VPS13B: variants seen among roughly 807,000 people sequenced by gnomAD.
VPS13B encodes vacuolar protein sorting 13 homolog B.
Under a neutral mutation model 426.4 loss-of-function variants are expected in VPS13B, and 285 were observed. The observed-to-expected ratio is 0.67, with a 90% confidence interval of 0.61 to 0.74. The LOEUF is 0.74. Ranked by LOEUF, VPS13B falls within the 30% of genes least tolerant of loss-of-function variation. The pLI, the probability that VPS13B is intolerant of heterozygous loss-of-function variation, is 0.00. For missense variants in VPS13B, 4,537 were observed against 4,782.6 expected (o/e 0.95, Z 1.51); for synonymous variants, 1,676 against 1,676.4 (o/e 1.00, Z 0.01).
Position 99,503,095 on chromosome 8 carries a change from A to G in VPS13B, c.4157+145A>G, listed in dbSNP as rs575490373. The G allele has an allele frequency of 8.1e-4, 509 of 631,458 alleles. 4 individuals carry two copies. In the South Asian group the frequency reaches 9.3e-3, roughly 12 times the overall value. 39.1% of individuals were successfully genotyped at this position (631,458 alleles called of 1,614,324 possible). A position where few individuals can be genotyped will look rare whatever the true frequency, so the allele number is the denominator to read the frequency against. ...GGACATATTGAGAGTTTGGCTCCAG[A>G]CTATTCCAATAAAGTGAATATTTCA... is the stretch of plus-strand genomic sequence containing the variant. On this transcript the variant is annotated intron_variant, in intron 27 of 61. Coordinates refer to ENST00000357162, the MANE Select transcript of VPS13B (RefSeq NM_152564.5).
chr8:99,198,502 T>C (rs1039956929), intron 17 of VPS13B, among the ~76,000 whole-genome samples: 3 of 152,148 alleles, frequency 2.0e-5, no homozygotes, highest in African/African-American at 7.2e-5. Flanking sequence ...TAAAATGGAC[T>C]GTGCTATGAA....
intron 17 of VPS13B, chr8:99,233,293 G>T: frequency 3.5e-6 from 4 of 1,133,682 alleles, no homozygotes; most frequent in Non-Finnish European, 5.4e-6. Context: ...GCCAGCTGTG[G>T]AAGAGAGCAC....
At chr8:99,584,577 A>G (rs1826218490) in intron 33 of VPS13B, among the ~76,000 whole-genome samples, 1 of 152,206 alleles carries the variant, frequency 6.6e-6, no homozygotes, top group African/African-American at 2.4e-5. Flanking sequence ...CTAGGCTTTT[A>G]TAATCTGGTT....
At chr8:99,164,564 C>G (rs1394286391) in intron 15 of VPS13B, among the ~76,000 whole-genome samples, 1 of 152,198 alleles carries the variant, frequency 6.6e-6, no homozygotes, top group Non-Finnish European at 1.5e-5. Flanking sequence ...TTCTTGCAAA[C>G]TGTCTGAGAA....
At chr8:99,478,447 G>GTTTTTTTTTTTTTGT (rs1819824979) in intron 24 of VPS13B, among the ~76,000 whole-genome samples, 1 of 85,776 alleles carries the variant, frequency 1.2e-5, no homozygotes, top group Non-Finnish European at 2.1e-5. Flanking sequence ...TTTTTGTTTT[G>GTTTTTTTTTTTTTGT]TTTTTTTTTT....
chr8:99,053,875 A>G (rs202010850), intron 3 of VPS13B, among the ~76,000 whole-genome samples: 2 of 151,492 alleles, frequency 1.3e-5, no homozygotes, highest in African/African-American at 2.4e-5. Flanking sequence ...GCTAATTTTT[A>G]TATTTTTTAG....
chr8:99,608,985 T>C (rs1456241392), intron 33 of VPS13B, among the ~76,000 whole-genome samples: 1 of 152,180 alleles, frequency 6.6e-6, no homozygotes, highest in Non-Finnish European at 1.5e-5. Flanking sequence ...GTGCATGTTT[T>C]TGTGTAGACA....
chr8:99,304,007 G>T (rs1024943985), intron 19 of VPS13B, among the ~76,000 whole-genome samples: 1 of 151,976 alleles, frequency 6.6e-6, no homozygotes, highest in African/African-American at 2.4e-5. Context: ...AGATTTTATA[G>T]TATAGTGGTT....
chr8:99,429,667 T>C (rs970245028), intron 21 of VPS13B: 2 of 152,224 alleles, frequency 1.3e-5, no homozygotes, highest in Non-Finnish European at 2.9e-5. Context: ...ATTGGTTATG[T>C]CTTTGAAATG....
At chr8:99,467,705 T>C (rs1819184794) in intron 24 of VPS13B, 71 bp downstream of exon 24, 1 of 1,510,386 alleles carries the variant, frequency 6.6e-7, no homozygotes, top group Admixed American at 1.7e-5. Context: ...TCCATTTTGT[T>C]GAAGGGTTTC....
At chr8:99,293,704 C>T (rs1323144452) in intron 19 of VPS13B, among the ~76,000 whole-genome samples, 2 of 152,040 alleles carry the variant, frequency 1.3e-5, no homozygotes, top group South Asian at 2.1e-4. Context: ...AAGAAAAAAA[C>T]AAACAACCCC....
At chr8:99,666,588 G>A (rs1361117498) in intron 35 of VPS13B, among the ~76,000 whole-genome samples, 3 of 152,036 alleles carry the variant, frequency 2.0e-5, no homozygotes, top group Admixed American at 6.6e-5. Flanking sequence ...TGCAGAAAAG[G>A]CCTTTGACAA....
At chr8:99,591,286 G>A (rs1043529935) in intron 33 of VPS13B, among the ~76,000 whole-genome samples, 6 of 150,816 alleles carry the variant, frequency 4.0e-5, no homozygotes, top group African/African-American at 1.2e-4. Flanking sequence ...GCACATTGAC[G>A]GGTCTTGACT....
intron 33 of VPS13B, among the ~76,000 whole-genome samples, chr8:99,626,649 A>G (rs893306184): frequency 2.0e-5 from 3 of 152,352 alleles, no homozygotes; most frequent in South Asian, 4.1e-4. Context: ...GTTTGCGAGG[A>G]TGCGGAGAAA....
intron 30 of VPS13B, among the ~76,000 whole-genome samples, chr8:99,534,522 AGTACACTG>A (rs1193825645): frequency 6.6e-6 from 1 of 152,198 alleles, no homozygotes; most frequent in Non-Finnish European, 1.5e-5. Flanking sequence ...GGTTATATTA[AGTACACTG>A]GATATATAAT....
intron 3 of VPS13B, among the ~76,000 whole-genome samples, chr8:99,068,523 A>G (rs531582915): frequency 1.3e-5 from 2 of 152,326 alleles, no homozygotes; most frequent in Admixed American, 1.3e-4. Context: ...TCATGCTCCA[A>G]TGGCAGAATT....
intron 40 of VPS13B, among the ~76,000 whole-genome samples, chr8:99,775,098 T>C (rs1232489636): frequency 1.3e-5 from 2 of 152,210 alleles, no homozygotes; most frequent in Non-Finnish European, 2.9e-5. Context: ...CCCACATGAT[T>C]CACCCATGCC....
chr8:99,830,191 G>A (rs1280225056), intron 51 of VPS13B, among the ~76,000 whole-genome samples: 1 of 152,212 alleles, frequency 6.6e-6, no homozygotes, highest in Non-Finnish European at 1.5e-5. Context: ...TGCTGAAGCT[G>A]TGCCCACAGC....
chr8:99,360,300 T>C (rs961665300), intron 19 of VPS13B, among the ~76,000 whole-genome samples: 11 of 146,864 alleles, frequency 7.5e-5, no homozygotes, highest in South Asian at 4.4e-4. Flanking sequence ...TTTTTTGTTA[T>C]GGAGTCTCAC....
Sources: allele counts gnomAD v4.1 joint callset (sites outside exome capture counted in the v4.1 genomes callset), GRCh38; gene constraint gnomAD v4.1.1; transcripts MANE v1.5; gene names NCBI Gene and HGNC (gene_info 2026-07-23, HGNC 2026-07-21).